ATXN1: variants seen among roughly 807,000 people sequenced by gnomAD.
The protein encoded by ATXN1 is ataxin-1.
ATXN1 carries 8 observed loss-of-function variants against 56.4 expected under a neutral mutation model. That is an observed-to-expected ratio of 0.14 (90% confidence interval 0.08 to 0.26). ATXN1 has a LOEUF of 0.26. ATXN1 is among the 10% of genes least tolerant of loss of function. ATXN1 has a pLI of 1.00. For synonymous variants in ATXN1, 514 were observed against 494.6 expected, an observed-to-expected ratio of 1.04 and a Z score of -0.52; for missense variants, 987 against 1,106.5, an observed-to-expected ratio of 0.89 and a Z score of 1.53.
At chr6:16,553,266 T>C (rs1042149964) in intron 4 of ATXN1, among the ~76,000 whole-genome samples, 4 of 152,216 alleles carry the variant, frequency 2.6e-5, no homozygotes, top group African/African-American at 9.6e-5. Context: ...TAATACTCCA[T>C]TTTTCCTTCT....
At chr6:16,600,455 C>T (rs968354285) in intron 3 of ATXN1, among the ~76,000 whole-genome samples, 1 of 152,172 alleles carries the variant, frequency 6.6e-6, no homozygotes, top group African/African-American at 2.4e-5. Flanking sequence ...CAATGCTAAT[C>T]AAATTCATCT....
Position 16,618,438 on chromosome 6 carries a change from A to G in ATXN1, c.-488-32531T>C, listed in dbSNP as rs73370667. Among the ~76,000 whole-genome samples, 518 of 152,330 alleles carry G rather than the reference A, an allele frequency of 3.4e-3. 2 individuals are homozygous for G. The highest frequency in any genetic ancestry group is 0.011 in the African/African-American group (475 of 41,574). On this transcript the variant is annotated intron_variant, in intron 3 of 7. Transcript: ENST00000436367. ...GAACTTAAAGTAAAACAAACAAAAC[A>G]AAAGAATTCAGGCAGGGTGTGGTGG...
intron 5 of ATXN1, among the ~76,000 whole-genome samples, chr6:16,516,087 A>G (rs943873871): frequency 2.6e-5 from 4 of 152,206 alleles, no homozygotes; most frequent in African/African-American, 9.6e-5. Context: ...GCCACCTGCT[A>G]AATTGAGTTT....
intron 6 of ATXN1, among the ~76,000 whole-genome samples, chr6:16,371,469 A>T (rs975530522): frequency 6.6e-6 from 1 of 152,178 alleles, no homozygotes; most frequent in Non-Finnish European, 1.5e-5. Flanking sequence ...TGGTCAGATA[A>T]GAAGAAATGT....
chr6:16,448,547 A>G (rs1759680362), intron 6 of ATXN1, among the ~76,000 whole-genome samples: 1 of 152,214 alleles, frequency 6.6e-6, no homozygotes, highest in African/African-American at 2.4e-5. Flanking sequence ...GTATTTTTGT[A>G]TCACCCATTA....
At chr6:16,364,133 A>AC (rs1255036337) in intron 6 of ATXN1, among the ~76,000 whole-genome samples, 1 of 151,858 alleles carries the variant, frequency 6.6e-6, no homozygotes, top group East Asian at 1.9e-4. Context: ...TGCCTTAAGG[A>AC]CCCCCCACTG....
At chr6:16,578,634 C>T (rs1040131393) in intron 4 of ATXN1, among the ~76,000 whole-genome samples, 2 of 152,086 alleles carry the variant, frequency 1.3e-5, no homozygotes, top group African/African-American at 2.4e-5. Context: ...TTATAACATG[C>T]TTACCTACAA....
chr6:16,712,152 T>A (rs1350559624), intron 2 of ATXN1, among the ~76,000 whole-genome samples: 1 of 152,164 alleles, frequency 6.6e-6, no homozygotes, highest in Non-Finnish European at 1.5e-5. Context: ...GATGTATGCA[T>A]TCATCAAAAC....
At chr6:16,666,276 G>A (rs1043300101) in intron 2 of ATXN1, among the ~76,000 whole-genome samples, 5 of 152,050 alleles carry the variant, frequency 3.3e-5, no homozygotes, top group Admixed American at 2.0e-4. Context: ...TTAACATAAC[G>A]TCTTCCAGTT....
chr6:16,602,784 G>A (rs566228864), intron 3 of ATXN1, among the ~76,000 whole-genome samples: 31 of 152,130 alleles, frequency 2.0e-4, no homozygotes, highest in Non-Finnish European at 4.4e-4. Flanking sequence ...AGAGGATAAG[G>A]TAACGTCTCC....
chr6:16,414,715 A>C (rs543705106), intron 6 of ATXN1, among the ~76,000 whole-genome samples: 1 of 152,328 alleles, frequency 6.6e-6, no homozygotes, highest in East Asian at 1.9e-4. Context: ...TATCTATCCG[A>C]ATGCAGTAAT....
At chr6:16,759,230 G>C (rs1404759418) in intron 1 of ATXN1, among the ~76,000 whole-genome samples, 1 of 152,248 alleles carries the variant, frequency 6.6e-6, no homozygotes, top group Non-Finnish European at 1.5e-5. Context: ...ATGTCATTGA[G>C]ATGTGACTAC....
At chr6:16,626,498 G>T (rs941314594) in intron 3 of ATXN1, among the ~76,000 whole-genome samples, 1 of 152,002 alleles carries the variant, frequency 6.6e-6, no homozygotes, top group Admixed American at 6.6e-5. Flanking sequence ...CACCATGTTG[G>T]CCAGGCTGTT....
At chr6:16,544,307 T>C (rs1761771496) in intron 4 of ATXN1, among the ~76,000 whole-genome samples, 1 of 152,166 alleles carries the variant, frequency 6.6e-6, no homozygotes. Context: ...GCTGGCCAAG[T>C]TGTGGCGCAG....
chr6:16,429,102 C>G (rs1291005516), intron 6 of ATXN1, among the ~76,000 whole-genome samples: 1 of 152,000 alleles, frequency 6.6e-6, no homozygotes, highest in Non-Finnish European at 1.5e-5. Flanking sequence ...TGTTCCTGCA[C>G]CTGTTCCCTC....
chr6:16,575,961 C>T (rs895631907), intron 4 of ATXN1, among the ~76,000 whole-genome samples: 5 of 152,252 alleles, frequency 3.3e-5, no homozygotes, highest in Admixed American at 2.6e-4. Flanking sequence ...GCAGGTACTC[C>T]AAGCCCCTGA....
In ATXN1 at chr6:16,419,738, G is replaced by A. The variant is rs368427997; in HGVS notation, c.-161+66234C>T. Among the ~76,000 whole-genome samples, 276 of 152,246 alleles carry A rather than the reference G, an allele frequency of 1.8e-3. 3 individuals are homozygous for A. Among genetic ancestry groups the A allele is most frequent in the South Asian group, 9.3e-3 (45 of 4,824 alleles). On this transcript the variant is annotated intron_variant, in intron 6 of 7. Transcript: ENST00000436367. ...ACATGTGCATGCTGAGTGGCTGCCC[G>A]GGTCTGCCTTTGTGTACTAGGGGAA...
intron 6 of ATXN1, among the ~76,000 whole-genome samples, chr6:16,413,778 A>G (rs1581745782): frequency 6.6e-6 from 1 of 152,226 alleles, no homozygotes; most frequent in South Asian, 2.1e-4. Flanking sequence ...GCAATGGCCC[A>G]CCTGATATAA....
rs745556963 is a variant in ATXN1, at chr6:16,326,948, C to A, written c.1363G>T (p.Ala455Ser). Residue 455 changes from alanine to serine, a missense_variant, in exon 7 of 8, where the codon GCA (alanine) becomes TCA (serine). Ala to Ser is a moderately conservative substitution (Grantham distance 99). This residue lies in a region of ATXN1 where 723 missense variants were observed against 791.7 expected (regional missense o/e 0.91). Transcript: ENST00000436367. The surrounding 1 kb of genome is among the most constrained non-coding windows in gnomAD (Gnocchi z 6.6). ...PVGLPATAFY[A>S]GTQPPVIGYL... ...CCGATGACAGGGGGTTGAGTCCCTG[C>A]GTAGAAGGCCGTGGCTGGCAGTCCC... 1.9e-6 allele frequency: 3 copies of A among 1,613,958 alleles called. No homozygotes were observed. The highest frequency in any genetic ancestry group is 2.7e-5 in the African/African-American group (2 of 74,916).
Sources: allele counts gnomAD v4.1 joint callset (sites outside exome capture counted in the v4.1 genomes callset), GRCh38; gene constraint gnomAD v4.1.1; regional missense constraint gnomAD v4.1.1; non-coding constraint Gnocchi (gnomAD v3.1); transcripts MANE v1.5; gene names NCBI Gene and HGNC (gene_info 2026-07-23, HGNC 2026-07-21).